The following RHOQ variants were observed in gnomAD, a reference collection of about 807,000 sequenced individuals.
The protein encoded by RHOQ is rho-related GTP-binding protein RhoQ.
RHOQ carries 7 observed loss-of-function variants against 25.8 expected under a neutral mutation model. The ratio of observed to expected loss-of-function variants is 0.27; its 90% CI spans 0.15 to 0.51. The LOEUF is 0.51. Ranked by LOEUF, RHOQ falls within the 20% of genes least tolerant of loss-of-function variation. The pLI is 0.97. For missense variants in RHOQ, 165 were observed against 260.6 expected (o/e 0.63, Z 2.53); for synonymous variants, 97 against 98.6 (o/e 0.98, Z 0.10).
At chr2:46,551,847 C>T (rs999880332) in intron 2 of RHOQ, among the ~76,000 whole-genome samples, 1 of 152,140 alleles carries the variant, frequency 6.6e-6, no homozygotes, top group Non-Finnish European at 1.5e-5. Flanking sequence ...CACCTGGTAC[C>T]GCCTTGAGTT....
chr2:46,543,587 C>G (rs982610995), intron 1 of RHOQ, 167 bp from the exon 2 acceptor site: 5 of 652,492 alleles, frequency 7.7e-6, no homozygotes, highest in South Asian at 5.3e-5. Context: ...GGCCCTTTGC[C>G]GGTTCACAGT....
chr2:46,560,676 A>G (rs547615224), intron 2 of RHOQ: 55 of 455,030 alleles, frequency 1.2e-4, no homozygotes, highest in South Asian at 8.4e-4. Flanking sequence ...CCGCTGTCTT[A>G]CTGTTGGACA....
intron 2 of RHOQ, among the ~76,000 whole-genome samples, chr2:46,550,513 C>T (rs1412029787): frequency 6.6e-6 from 1 of 152,208 alleles, no homozygotes; most frequent in Non-Finnish European, 1.5e-5. Context: ...TCTCAGACTC[C>T]GGCCTTTGCA....
intron 2 of RHOQ, chr2:46,560,677 C>T (rs1357522703): frequency 2.2e-6 from 1 of 455,074 alleles, no homozygotes; most frequent in South Asian, 1.6e-5. Flanking sequence ...CGCTGTCTTA[C>T]TGTTGGACAG....
intron 4 of RHOQ, among the ~76,000 whole-genome samples, chr2:46,579,656 A>T (rs967562055): frequency 2.6e-5 from 4 of 152,046 alleles, no homozygotes; most frequent in African/African-American, 9.7e-5. Flanking sequence ...GTTGGAGACC[A>T]CCCTGACCAA....
rs549897439 is a variant in RHOQ, at chr2:46,581,417, A to G, written c.*334A>G. ...TAAATGGAACTGCTTGGCTTTGACCATACACATTTCTGCCCAGCCCTTACA... is the reference window on the plus strand; with the variant it reads ...TAAATGGAACTGCTTGGCTTTGACCGTACACATTTCTGCCCAGCCCTTACA... On this transcript the variant is annotated 3_prime_UTR_variant, in exon 5 of 5. Coordinates refer to ENST00000238738, the MANE Select transcript of RHOQ (RefSeq NM_012249.4). 4 of 1,574,748 alleles carry G rather than the reference A, an allele frequency of 2.5e-6. No homozygotes were observed. Among genetic ancestry groups the G allele is most frequent in the Non-Finnish European group, 3.4e-6 (4 of 1,159,770 alleles).
rs1668845965 is a variant in RHOQ at position 46,569,539 on chromosome 2, T to G, written c.202-6548T>G. 6.6e-6 allele frequency: 1 copy of G among 152,184 alleles called. No homozygotes were observed. Among genetic ancestry groups the G allele is most frequent in the African/African-American group, 2.4e-5 (1 of 41,428 alleles). The allele number at this position is 152,184 out of a possible 1,614,324, so 9.4% of individuals were successfully genotyped here. On this transcript the variant is annotated intron_variant, in intron 2 of 4. Transcript: ENST00000238738. This position sits in a 1 kb window ranked among gnomAD's most constrained non-coding sequence, Gnocchi z 4.1. The stretch of plus-strand genomic sequence containing the variant: ...GCTGGTTTCTTTATGCTCCACCAGA[T>G]GTAAATTTTCTCTCCGTTTCCTCCA...
At chr2:46,572,308 G>A (rs1230838227) in intron 2 of RHOQ, among the ~76,000 whole-genome samples, 1 of 151,638 alleles carries the variant, frequency 6.6e-6, no homozygotes, top group Non-Finnish European at 1.5e-5. Context: ...TCACCACATT[G>A]GGAAGACTGG....
chr2:46,546,452 A>ATATATATATATATATATATG (rs1668048636), intron 2 of RHOQ, among the ~76,000 whole-genome samples: 12 of 4,788 alleles, frequency 2.5e-3, no homozygotes, highest in Non-Finnish European at 5.0e-3. Flanking sequence ...ACACATATAC[A>ATATATATATATATATATATG]TATATATATA....
rs1669130894 is a variant in RHOQ at position 46,576,424 on chromosome 2, TA to T, written c.367-136del. ...AAAAATTGTGCCAAAAGAAAGCAAT[TA>T]TTTTCCTGGTTTTTAAAAATTAAGT... On this transcript the variant is annotated intron_variant, in intron 3 of 4. Coordinates refer to ENST00000238738, the MANE Select transcript of RHOQ (RefSeq NM_012249.4). The surrounding 1 kb of genome is among the most constrained non-coding windows in gnomAD (Gnocchi z 5.1). The T allele has an allele frequency of 1.1e-6, 1 of 898,672 alleles. No homozygotes were observed. The highest frequency in any genetic ancestry group is 1.7e-5 in the African/African-American group (1 of 59,040). 55.7% of individuals were successfully genotyped at this position (898,672 alleles called of 1,614,324 possible). A position where few individuals can be genotyped will look rare whatever the true frequency, so the allele number is the denominator to read the frequency against.
chr2:46,550,976 A>G (rs912425403), intron 2 of RHOQ, among the ~76,000 whole-genome samples: 1 of 152,136 alleles, frequency 6.6e-6, no homozygotes, highest in African/African-American at 2.4e-5. Context: ...AAGAGGTGAC[A>G]GGGAGGAGCT....
chr2:46,551,089 C>T (rs899258778), intron 2 of RHOQ, among the ~76,000 whole-genome samples: 3 of 152,200 alleles, frequency 2.0e-5, no homozygotes, highest in South Asian at 4.1e-4. Context: ...TTCAGCTCTG[C>T]CACTTCCCAG....
chr2:46,568,546 C>T (rs890068014), intron 2 of RHOQ: 2 of 152,178 alleles, frequency 1.3e-5, no homozygotes, highest in Non-Finnish European at 2.9e-5. Flanking sequence ...ATGCAACAGG[C>T]TGTTTTCCCA....
chr2:46,572,851 T>C (rs1372685901), intron 2 of RHOQ: 8 of 409,838 alleles, frequency 2.0e-5, no homozygotes, highest in Non-Finnish European at 3.4e-5. Flanking sequence ...TGGCTGAAGA[T>C]GAAAGATTCT....
chr2:46,543,178 C>G lies in RHOQ; in HGVS notation c.132C>G (p.Asp44Glu). Reference protein sequence around the residue: ...FPEEYVPTVFDHYAVSVTVGG... With the variant: ...FPEEYVPTVFEHYAVSVTVGG... ...AGGAGTACGTGCCCACCGTCTTCGA[C>G]CACTACGCAGGTAAGCCTCGGAACT... is the stretch of plus-strand genomic sequence containing the variant. The change falls in exon 1 of 5, where the codon GAC (aspartate) becomes GAG (glutamate). Residue 44 changes from aspartate to glutamate, a missense_variant. By Grantham distance (45) the Asp-to-Glu change is conservative (BLOSUM62 2). Transcript: ENST00000238738. 1 of 1,612,232 alleles carries G rather than the reference C, an allele frequency of 6.2e-7. No homozygotes were observed. The highest frequency in any genetic ancestry group is 1.1e-5 in the South Asian group (1 of 91,018).
chr2:46,578,765 G>A (rs61615640), intron 4 of RHOQ, among the ~76,000 whole-genome samples: 10,223 of 151,340 alleles, frequency 0.068, 492 homozygotes, highest in African/African-American at 0.14. Flanking sequence ...CAAAATAAAT[G>A]AATAAATAAA....
chr2:46,557,924 C>T lies in RHOQ; in HGVS notation c.201+14112C>T, dbSNP rs181167766. ...TTGTAATTTCAGTTTGACCACTGAT[C>T]AGTGTTTATATTTTTATGACTATTC... is the stretch of plus-strand genomic sequence containing the variant. On this transcript the variant is annotated intron_variant, in intron 2 of 4. Transcript: ENST00000238738. 1.8e-3 allele frequency among the ~76,000 whole-genome samples: 272 copies of T among 152,302 alleles called. 2 individuals are homozygous for T. The highest frequency in any genetic ancestry group is 2.9e-3 in the Non-Finnish European group (196 of 68,026).
Position 46,542,714 on chromosome 2 carries a change from T to TC in RHOQ, c.-328dup, listed in dbSNP as rs1056058509. 1 of 146,150 alleles carries TC rather than the reference T, an allele frequency of 6.8e-6. No individual in the cohort carries two copies. The highest frequency in any genetic ancestry group is 1.5e-5 in the Non-Finnish European group (1 of 65,754). The allele number at this position is 146,150 out of a possible 1,614,324, so 9.1% of individuals were successfully genotyped here. On this transcript the variant is annotated 5_prime_UTR_variant, in exon 1 of 5. Coordinates refer to ENST00000238738, the MANE Select transcript of RHOQ (RefSeq NM_012249.4). ...CGCCGCCCTCCCCAAAGTTGCCGTC[T>TC]CCCCCGGGGCCGGCCGGTCTTATGA...
intron 2 of RHOQ, among the ~76,000 whole-genome samples, chr2:46,559,674 G>C (rs1668510391): frequency 6.6e-6 from 1 of 152,202 alleles, no homozygotes; most frequent in Non-Finnish European, 1.5e-5. Flanking sequence ...GATATTGCCA[G>C]ATGTTCTCCT....
Sources: gnomAD v4.1 joint callset for allele counts (sites outside exome capture counted in the v4.1 genomes callset) on GRCh38, gnomAD v4.1.1 for gene constraint, Gnocchi (gnomAD v3.1) non-coding constraint, MANE v1.5 for transcripts, NCBI Gene and HGNC (gene_info 2026-07-23, HGNC 2026-07-21) for gene names.